BANK1: variants seen among roughly 807,000 people sequenced by gnomAD.
BANK1 encodes the protein B-cell scaffold protein with ankyrin repeats.
Under a neutral mutation model 94.5 loss-of-function variants are expected in BANK1, and 95 were observed. That is an observed-to-expected ratio of 1.00 (90% CI 0.85 to 1.19). BANK1 has a LOEUF of 1.19. BANK1 is among the 50% of genes most tolerant of loss of function. The pLI is 0.00. For synonymous variants in BANK1, 334 were observed against 308.4 expected, an observed-to-expected ratio of 1.08 and a Z score of -0.87; for missense variants, 987 against 932.2, an observed-to-expected ratio of 1.06 and a Z score of -0.77.
chr4:101,800,738 T>TCAGACA (rs1725331519), intron 1 of BANK1, among the ~76,000 whole-genome samples: 1 of 152,318 alleles, frequency 6.6e-6, no homozygotes, highest in South Asian at 2.1e-4. Flanking sequence ...GTTACTTGTT[T>TCAGACA]CAGACAAGAT....
intron 13 of BANK1, among the ~76,000 whole-genome samples, chr4:102,070,521 ATCT>A (rs1362116667): frequency 1.3e-5 from 2 of 152,294 alleles, no homozygotes; most frequent in Non-Finnish European, 2.9e-5. Context: ...AAGTGTTTTT[ATCT>A]GATTGGGAAA....
At chr4:102,003,980 T>G (rs1204432568) in intron 7 of BANK1, among the ~76,000 whole-genome samples, 2 of 151,714 alleles carry the variant, frequency 1.3e-5, no homozygotes, top group South Asian at 4.1e-4. Context: ...TCTATATACA[T>G]ACACATATAC....
chr4:101,801,307 A>G (rs931044744), intron 1 of BANK1, among the ~76,000 whole-genome samples: 2 of 152,228 alleles, frequency 1.3e-5, no homozygotes, highest in African/African-American at 4.8e-5. Context: ...AAATAAAATT[A>G]GTATTATTGT....
At chr4:102,009,984 T>G (rs908973853) in intron 7 of BANK1, among the ~76,000 whole-genome samples, 5 of 152,190 alleles carry the variant, frequency 3.3e-5, no homozygotes, top group Non-Finnish European at 4.4e-5. Flanking sequence ...TTGAAGTCTG[T>G]GGCTGGGTGC....
chr4:101,829,489 C>G (rs1044851685), intron 1 of BANK1, among the ~76,000 whole-genome samples: 4 of 151,768 alleles, frequency 2.6e-5, no homozygotes, highest in African/African-American at 7.2e-5. Flanking sequence ...AAAATATTAT[C>G]TATAACATTA....
chr4:101,805,168 G>A (rs997619335), intron 1 of BANK1, among the ~76,000 whole-genome samples: 1 of 152,090 alleles, frequency 6.6e-6, no homozygotes, highest in Admixed American at 6.5e-5. Context: ...TGTTAGAAAT[G>A]TTTGTCAATG....
intron 7 of BANK1, among the ~76,000 whole-genome samples, chr4:101,991,526 CT>C (rs1444989008): frequency 2.0e-5 from 3 of 152,134 alleles, no homozygotes; most frequent in Non-Finnish European, 2.9e-5. Flanking sequence ...AAAATGTCTT[CT>C]ACATTCCACA....
chr4:102,002,566 C>T (rs866772554), intron 7 of BANK1, among the ~76,000 whole-genome samples: 7 of 150,570 alleles, frequency 4.6e-5, no homozygotes, highest in South Asian at 2.6e-4. Flanking sequence ...CACACACACA[C>T]ACACACACAC....
chr4:101,894,613 C>T (rs1210739939), intron 5 of BANK1, among the ~76,000 whole-genome samples: 1 of 151,936 alleles, frequency 6.6e-6, no homozygotes, highest in East Asian at 1.9e-4. Flanking sequence ...TGGCCCACCT[C>T]CTTAGCTATA....
chr4:101,856,680 A>G (rs1727691704), intron 3 of BANK1, among the ~76,000 whole-genome samples: 1 of 152,204 alleles, frequency 6.6e-6, no homozygotes, highest in Non-Finnish European at 1.5e-5. Flanking sequence ...CCTCACTGCT[A>G]TCTAAGCAAA....
At chr4:101,867,984 G>T (rs904103603) in intron 4 of BANK1, among the ~76,000 whole-genome samples, 1 of 151,758 alleles carries the variant, frequency 6.6e-6, no homozygotes, top group Non-Finnish European at 1.5e-5. Flanking sequence ...TAAGTTTAGT[G>T]AATAGTCTAA....
chr4:102,057,324 CTCTCTCTCTCTCTT>C (rs963632525), intron 11 of BANK1, among the ~76,000 whole-genome samples: 4 of 149,228 alleles, frequency 2.7e-5, no homozygotes, highest in Non-Finnish European at 5.9e-5. Context: ...CTCTATTTCT[CTCTCTCTCTCTCTT>C]TCTCTCTCTC....
intron 7 of BANK1, among the ~76,000 whole-genome samples, chr4:101,926,860 C>G (rs1723169524): frequency 6.6e-6 from 1 of 151,676 alleles, no homozygotes; most frequent in South Asian, 2.1e-4. Context: ...GGCAAAGGCT[C>G]TGGTAGGATG....
chr4:102,009,637 G>A (rs1014752691), intron 7 of BANK1, among the ~76,000 whole-genome samples: 1 of 152,132 alleles, frequency 6.6e-6, no homozygotes, highest in African/African-American at 2.4e-5. Flanking sequence ...GATACTAGCT[G>A]TATAACCTTG....
intron 10 of BANK1, 97 bp downstream of exon 10, chr4:102,030,362 A>T (rs2148950738): frequency 8.1e-7 from 1 of 1,240,436 alleles, no homozygotes; most frequent in East Asian, 2.5e-5. Context: ...ATGCTCTAAA[A>T]CTCCAAAGAG....
At chr4:101,815,082 G>T (rs1190763983) in intron 1 of BANK1, among the ~76,000 whole-genome samples, 1 of 152,120 alleles carries the variant, frequency 6.6e-6, no homozygotes, top group East Asian at 1.9e-4. Flanking sequence ...CTTTGTTACT[G>T]ATGAAGTTGA....
rs951357175 is a variant in BANK1 at position 101,961,765 on chromosome 4, G to A, written c.1206+43576G>A. Among the ~76,000 whole-genome samples, 5 of 152,202 alleles carry A rather than the reference G, an allele frequency of 3.3e-5. No individual in the cohort carries two copies. In the East Asian group the frequency reaches 9.7e-4, roughly 29 times the overall value. ...TTACTAAAGAGAGAAAGTAAATACA[G>A]CCCTTTCAGTGCTATTTAAAATATT... On this transcript the variant is annotated intron_variant, in intron 7 of 16. Transcript: ENST00000322953.
chr4:101,852,485 TATATATATATATATATATACACACACAC>T (rs1316117216), intron 2 of BANK1, among the ~76,000 whole-genome samples: 1 of 108,864 alleles, frequency 9.2e-6, no homozygotes, highest in Non-Finnish European at 1.9e-5. Context: ...TATATATATA[TATATATATATATATATATACACACACAC>T]ATATAGTCTA....
intron 7 of BANK1, among the ~76,000 whole-genome samples, chr4:101,952,559 T>C (rs1410896087): frequency 6.6e-6 from 1 of 152,152 alleles, no homozygotes; most frequent in Non-Finnish European, 1.5e-5. Flanking sequence ...ATTTATTGAG[T>C]GCTTGGCATA....
Sources: allele counts gnomAD v4.1 joint callset (sites outside exome capture counted in the v4.1 genomes callset), GRCh38; gene constraint gnomAD v4.1.1; transcripts MANE v1.5; gene names NCBI Gene and HGNC (gene_info 2026-07-23, HGNC 2026-07-21).